Variants in GMDS observed in about 807,000 individuals in gnomAD.
The protein encoded by GMDS is GDP-mannose 4,6-dehydratase, also known as GDP-mannose 4,6 dehydratase.
GMDS carries 20 observed loss-of-function variants against 49.9 expected under a neutral mutation model. The observed-to-expected ratio is 0.40, with a 90% CI of 0.28 to 0.58. The LOEUF is 0.58. Among genes scored for constraint, GMDS ranks in the 20% least tolerant of loss-of-function variants. The pLI is 0.42. For missense variants in GMDS, 362 were observed against 481.4 expected (o/e 0.75, Z 2.32); for synonymous variants, 177 against 178.6 (o/e 0.99, Z 0.07).
intron 1 of GMDS, among the ~76,000 whole-genome samples, chr6:2,190,235 C>T (rs576157962): frequency 3.9e-5 from 6 of 152,216 alleles, no homozygotes; most frequent in South Asian, 4.1e-4. Context: ...ATTTTTTAAA[C>T]GTTTCTAATA....
rs1406626355 is a variant in GMDS, at chr6:1,863,761, C to T, written c.771+66342G>A. The stretch of plus-strand genomic sequence containing the variant: ...TAGTAGTTTGATAATCTATAAATCA[C>T]TTTATCATTATTGCAAAGCCAATAA... On this transcript the variant is annotated intron_variant, in intron 7 of 10. Transcript: ENST00000380815. Among the ~76,000 whole-genome samples, 3 of 152,160 alleles carry T rather than the reference C, an allele frequency of 2.0e-5. No homozygotes were observed. In the East Asian group the frequency reaches 5.8e-4, roughly 29 times the overall value.
intron 7 of GMDS, among the ~76,000 whole-genome samples, chr6:1,827,076 ATATGTGTGTGTGTGTGTGTGTG>A (rs1228626045): frequency 1.8e-5 from 2 of 111,116 alleles, no homozygotes; most frequent in Non-Finnish European, 1.9e-5. Flanking sequence ...AAAAAAATAT[ATATGTGTGTGTGTGTGTGTGTG>A]TGTGTGTGTG....
At chr6:2,234,711 C>G (rs901985378) in intron 1 of GMDS, among the ~76,000 whole-genome samples, 13 of 152,202 alleles carry the variant, frequency 8.5e-5, no homozygotes, top group Admixed American at 4.6e-4. Context: ...TGGTAGACAC[C>G]AGAGAAACAT....
chr6:1,741,706 G>A (rs181050694), intron 8 of GMDS, among the ~76,000 whole-genome samples: 137 of 150,456 alleles, frequency 9.1e-4, no homozygotes, highest in African/African-American at 3.2e-3. Flanking sequence ...CAGCTACTTG[G>A]GAGGCTGAGG....
rs998749145 is a variant in GMDS, at chr6:1,833,573, T to C, written c.772-90987A>G. 2.0e-5 allele frequency among the ~76,000 whole-genome samples: 3 copies of C among 152,114 alleles called. No homozygotes were observed. Among genetic ancestry groups the C allele is most frequent in the South Asian group, 2.1e-4 (1 of 4,826 alleles). ...CCTGAGGGAACATAACACAAGGTAA[T>C]TAAATTGTAAATTACTTGAGAGAGA... is the stretch of plus-strand genomic sequence containing the variant. On this transcript the variant is annotated intron_variant, in intron 7 of 10. Coordinates refer to ENST00000380815, the MANE Select transcript of GMDS (RefSeq NM_001500.4). This position sits in a 1 kb window ranked among gnomAD's most constrained non-coding sequence, Gnocchi z 4.4.
chr6:2,203,720 T>C (rs1779659164), intron 1 of GMDS, among the ~76,000 whole-genome samples: 1 of 152,244 alleles, frequency 6.6e-6, no homozygotes, highest in Non-Finnish European at 1.5e-5. Context: ...ATAAGTAGTT[T>C]ACGCTGATTC....
At chr6:1,863,133 C>G (rs890783914) in intron 7 of GMDS, among the ~76,000 whole-genome samples, 31 of 152,076 alleles carry the variant, frequency 2.0e-4, no homozygotes, top group African/African-American at 7.2e-4. Flanking sequence ...TTATCTGTTG[C>G]ATCGATGGTT....
intron 9 of GMDS, among the ~76,000 whole-genome samples, chr6:1,657,870 G>GA (rs61325036): frequency 3.2e-5 from 3 of 94,042 alleles, no homozygotes; most frequent in Admixed American, 1.2e-4. Flanking sequence ...AAAAAAAAAA[G>GA]AAAAAGAAAA....
rs1395401580 is a variant in GMDS at position 2,024,995 on chromosome 6, CAT to C, written c.346-64031_346-64030del. Among the ~76,000 whole-genome samples the C allele has an allele frequency of 2.0e-5, 3 of 151,732 alleles. No homozygotes were observed. The East Asian group carries it at 5.8e-4, about 29-fold the overall frequency. On this transcript the variant is annotated intron_variant, in intron 4 of 10. Coordinates refer to ENST00000380815, the MANE Select transcript of GMDS (RefSeq NM_001500.4). ...TACTAATAAGAATAAAAAAGTATACCATATACTAGTAAAAGTATCCACCAAAA... is the reference window on the plus strand; with the variant it reads ...TACTAATAAGAATAAAAAAGTATACCATACTAGTAAAAGTATCCACCAAAA...
chr6:2,105,346 T>C (rs1417787962), intron 4 of GMDS, among the ~76,000 whole-genome samples: 2 of 152,120 alleles, frequency 1.3e-5, no homozygotes, highest in African/African-American at 4.8e-5. Flanking sequence ...CTAACTTCTG[T>C]CAAATATTCA....
chr6:2,165,511 T>G (rs904965521), intron 1 of GMDS, among the ~76,000 whole-genome samples: 29 of 152,220 alleles, frequency 1.9e-4, no homozygotes, highest in Non-Finnish European at 3.1e-4. Context: ...CCCACCCACA[T>G]TAGGGAGGGC....
At chr6:2,076,830 C>T (rs979630219) in intron 4 of GMDS, among the ~76,000 whole-genome samples, 6 of 152,176 alleles carry the variant, frequency 3.9e-5, no homozygotes, top group Admixed American at 2.0e-4. Context: ...CTAGGCAATA[C>T]CATTCAGGAC....
At chr6:1,956,850 C>T (rs562391981) in intron 6 of GMDS, among the ~76,000 whole-genome samples, 17 of 150,714 alleles carry the variant, frequency 1.1e-4, no homozygotes, top group Admixed American at 1.1e-3. Flanking sequence ...CTCGCACTGT[C>T]GCCTGGGCTG....
chr6:1,901,353 G>A (rs1157428564), intron 7 of GMDS, among the ~76,000 whole-genome samples: 3 of 152,292 alleles, frequency 2.0e-5, no homozygotes, highest in African/African-American at 4.8e-5. Flanking sequence ...GCTTGGTAAC[G>A]AGATGTTCTT....
At chr6:2,052,470 G>A (rs1770474821) in intron 4 of GMDS, among the ~76,000 whole-genome samples, 2 of 152,222 alleles carry the variant, frequency 1.3e-5, no homozygotes, top group African/African-American at 4.8e-5. Context: ...GGTGTGCTTG[G>A]TCCTGACAAG....
At chr6:1,947,280 T>C (rs1763113195) in intron 6 of GMDS, among the ~76,000 whole-genome samples, 1 of 152,194 alleles carries the variant, frequency 6.6e-6, no homozygotes, top group Admixed American at 6.5e-5. Context: ...CAACCTATTT[T>C]GTCTTCCTCA....
At chr6:2,046,217 A>G (rs1344377734) in intron 4 of GMDS, among the ~76,000 whole-genome samples, 1 of 152,206 alleles carries the variant, frequency 6.6e-6, no homozygotes, top group Non-Finnish European at 1.5e-5. Flanking sequence ...TGTCTCAAAA[A>G]AGTAAAATAA....
intron 4 of GMDS, among the ~76,000 whole-genome samples, chr6:2,053,174 T>C (rs901732989): frequency 6.6e-6 from 1 of 152,154 alleles, no homozygotes; most frequent in Non-Finnish European, 1.5e-5. Context: ...GCCCAAAATA[T>C]TTAGAAATGT....
At chr6:1,879,828 C>T (rs1279533231) in intron 7 of GMDS, among the ~76,000 whole-genome samples, 1 of 152,000 alleles carries the variant, frequency 6.6e-6, no homozygotes, top group Admixed American at 6.6e-5. Flanking sequence ...TGTATGAGAC[C>T]TCAGAGATAG....
Sources: allele counts gnomAD v4.1 joint callset (sites outside exome capture counted in the v4.1 genomes callset), GRCh38; gene constraint gnomAD v4.1.1; non-coding constraint Gnocchi (gnomAD v3.1); transcripts MANE v1.5; gene names NCBI Gene and HGNC (gene_info 2026-07-23, HGNC 2026-07-21).